The following ARHGAP1 variants were observed in gnomAD, a reference collection of about 807,000 sequenced individuals.
ARHGAP1 encodes Rho GTPase activating protein 1, also known as rho GTPase-activating protein 1.
Under a neutral mutation model 52.2 loss-of-function variants are expected in ARHGAP1, and 23 were observed. The ratio of observed to expected loss-of-function variants is 0.44; its 90% CI spans 0.32 to 0.62. ARHGAP1 has a LOEUF of 0.62. Ranked by LOEUF, ARHGAP1 falls within the 20% of genes least tolerant of loss-of-function variation. The pLI, the probability that ARHGAP1 is intolerant of heterozygous loss-of-function variation, is 0.05. For synonymous variants in ARHGAP1, 210 were observed against 228.4 expected (o/e 0.92, Z 0.73); for missense variants, 480 against 560.9 (o/e 0.86, Z 1.46).
chr11:46,695,547 G>T, intron 3 of ARHGAP1, 113 bp downstream of exon 3: 1 of 1,153,008 alleles, frequency 8.7e-7, no homozygotes, highest in Non-Finnish European at 1.3e-6. Flanking sequence ...CATGCCAGGA[G>T]CACCAGGGCC....
In ARHGAP1 at chr11:46,678,965, G is replaced by A; in HGVS notation, c.*72C>T. On this transcript the variant is annotated 3_prime_UTR_variant, in exon 13 of 13. Coordinates refer to ENST00000311956, the MANE Select transcript of ARHGAP1 (RefSeq NM_004308.5). The stretch of plus-strand genomic sequence containing the variant: ...AACATCTCTCTCCAGGGGGCTTCAT[G>A]GCCCCTGATGCCAGGAGGAAGAGTC... 2.6e-6 allele frequency: 4 copies of A among 1,511,408 alleles called. No homozygotes were observed. The highest frequency in any genetic ancestry group is 3.6e-6 in the Non-Finnish European group (4 of 1,105,140). The allele number at this position is 1,511,408 out of a possible 1,614,324, so 93.6% of individuals were successfully genotyped here.
chr11:46,696,234 G>C lies in ARHGAP1; in HGVS notation c.-49-78C>G. ...TGCGACCTCCACCGCGTGCCCTCCT[G>C]CCCCCACCATTCCCTCTCCCAGGCT... On this transcript the variant is annotated intron_variant, in intron 1 of 12. Coordinates refer to ENST00000311956, the MANE Select transcript of ARHGAP1 (RefSeq NM_004308.5). The surrounding 1 kb of genome is among the most constrained non-coding windows in gnomAD (Gnocchi z 4.8). 1 of 977,374 alleles carries C rather than the reference G, an allele frequency of 1.0e-6. No homozygotes were observed. The highest frequency in any genetic ancestry group is 1.5e-6 in the Non-Finnish European group (1 of 674,266). 60.5% of individuals were successfully genotyped at this position (977,374 alleles called of 1,614,324 possible).
chr11:46,680,549 T>A lies in ARHGAP1; in HGVS notation c.758A>T (p.Asn253Ile), dbSNP rs778417367. The change falls in exon 9 of 13, where the codon AAT becomes ATT. Residue 253 changes from asparagine to isoleucine, a missense_variant. Coordinates refer to ENST00000311956, the MANE Select transcript of ARHGAP1 (RefSeq NM_004308.5). This position sits in a 1 kb window ranked among gnomAD's most constrained non-coding sequence, Gnocchi z 5.9. ...GVSLQHLQEKNPEQEPIPIVL... is the reference protein window; with the variant it reads ...GVSLQHLQEKIPEQEPIPIVL... ...AATGGGAATGGGCTCCTGCTCTGGATTCTTCTCCTGGAGGCTGCGGGAAAA... is the reference window on the plus strand; with the variant it reads ...AATGGGAATGGGCTCCTGCTCTGGAATCTTCTCCTGGAGGCTGCGGGAAAA... 9.9e-6 allele frequency: 16 copies of A among 1,613,964 alleles called. No individual in the cohort carries two copies. In the African/African-American group the frequency reaches 2.0e-4, roughly 20 times the overall value.
rs2064512023 is a variant in ARHGAP1, at chr11:46,680,077, A to T, written c.898+128T>A. 1 of 1,203,844 alleles carries T rather than the reference A, an allele frequency of 8.3e-7. No homozygotes were observed. Among genetic ancestry groups the T allele is most frequent in the Non-Finnish European group, 1.2e-6 (1 of 829,482 alleles). The allele number at this position is 1,203,844 out of a possible 1,614,324, so 74.6% of individuals were successfully genotyped here. On this transcript the variant is annotated intron_variant, in intron 10 of 12. Coordinates refer to ENST00000311956, the MANE Select transcript of ARHGAP1 (RefSeq NM_004308.5). The surrounding 1 kb of genome is among the most constrained non-coding windows in gnomAD (Gnocchi z 5.9). ...GCCTGGCAGAAGTAGGACTTATGTG[A>T]CACCCAGAGCCACGGAAACCTCCAG...
chr11:46,681,548 C>G lies in ARHGAP1; in HGVS notation c.450-169G>C. 1.7e-6 allele frequency: 1 copy of G among 582,454 alleles called. No homozygotes were observed. Among genetic ancestry groups the G allele is most frequent in the Non-Finnish European group, 3.1e-6 (1 of 322,204 alleles). The allele number at this position is 582,454 out of a possible 1,614,324, so 36.1% of individuals were successfully genotyped here. A position where few individuals can be genotyped will look rare whatever the true frequency, so the allele number is the denominator to read the frequency against. ...TCCCGGATTCAAGCTATTCTCCTGCCTCAGCCTCCTGAGTAACTAGGATTA... is the reference window on the plus strand; with the variant it reads ...TCCCGGATTCAAGCTATTCTCCTGCGTCAGCCTCCTGAGTAACTAGGATTA... On this transcript the variant is annotated intron_variant, in intron 5 of 12. Coordinates refer to ENST00000311956, the MANE Select transcript of ARHGAP1 (RefSeq NM_004308.5). The surrounding 1 kb of genome is among the most constrained non-coding windows in gnomAD (Gnocchi z 5.7).
At chr11:46,694,827 T>C (rs961868627) in intron 3 of ARHGAP1, among the ~76,000 whole-genome samples, 1 of 152,180 alleles carries the variant, frequency 6.6e-6, no homozygotes, top group Non-Finnish European at 1.5e-5. Flanking sequence ...AACTGCCCCC[T>C]CCCTTTCCAA....
At chr11:46,685,933 C>T (rs2064564897) in intron 4 of ARHGAP1, among the ~76,000 whole-genome samples, 2 of 151,164 alleles carry the variant, frequency 1.3e-5, no homozygotes, top group Admixed American at 6.6e-5. Context: ...CTCAGCCTCC[C>T]AAAGTGCTGG....
chr11:46,689,582 C>A (rs1190725379), intron 3 of ARHGAP1, among the ~76,000 whole-genome samples: 1 of 151,960 alleles, frequency 6.6e-6, no homozygotes, highest in Non-Finnish European at 1.5e-5. Flanking sequence ...ACTCTGTCAC[C>A]CAGGCTAGAG....
chr11:46,679,844 C>A lies in ARHGAP1; in HGVS notation c.899-68G>T, dbSNP rs113474139. Reference sequence around the variant, plus strand: ...GGGCAGCACCCATCTGCAGACAACGCGGGCCGCACTGCCTGACTGCCCCTG... The same window carrying A: ...GGGCAGCACCCATCTGCAGACAACGAGGGCCGCACTGCCTGACTGCCCCTG... On this transcript the variant is annotated intron_variant, in intron 10 of 12. Coordinates refer to ENST00000311956, the MANE Select transcript of ARHGAP1 (RefSeq NM_004308.5). The surrounding 1 kb of genome is among the most constrained non-coding windows in gnomAD (Gnocchi z 4.4). The A allele has an allele frequency of 1.9e-6, 3 of 1,599,420 alleles. No homozygotes were observed. Among genetic ancestry groups the A allele is most frequent in the South Asian group, 1.1e-5 (1 of 90,056 alleles).
At position 46,680,155 on chromosome 11, in the gene ARHGAP1, C is replaced by A; in HGVS notation, c.898+50G>T. The A allele has an allele frequency of 6.4e-7, 1 of 1,569,400 alleles. No individual in the cohort carries two copies. The highest frequency in any genetic ancestry group is 8.8e-7 in the Non-Finnish European group (1 of 1,139,802). ...ACAGGGCAGCAGAGGGCAGAGAAGCCCCCTACCAGTAACACACATATGGCC... is the reference window on the plus strand; with the variant it reads ...ACAGGGCAGCAGAGGGCAGAGAAGCACCCTACCAGTAACACACATATGGCC... On this transcript the variant is annotated intron_variant, in intron 10 of 12. Transcript: ENST00000311956. This position sits in a 1 kb window ranked among gnomAD's most constrained non-coding sequence, Gnocchi z 5.9.
In ARHGAP1 at chr11:46,696,084, CT is replaced by C. The variant is rs2064651700; in HGVS notation, c.23del (p.Gln8ArgfsTer4). The C allele has an allele frequency of 1.2e-6, 2 of 1,607,862 alleles. No individual in the cohort carries two copies. The highest frequency in any genetic ancestry group is 1.6e-4 in the Middle Eastern group (1 of 6,074). The part of the protein sequence containing the change: MDPLSEL[Q>X]DDLTLDDTSE... ...TGGTGTCATCCAAGGTCAGATCATC[CT>C]GCAGCTCTGAGAGCGGATCCATGGC... On this transcript the variant is annotated frameshift_variant, in exon 2 of 13. Transcript: ENST00000311956. LOFTEE classifies it high-confidence loss of function. This position sits in a 1 kb window ranked among gnomAD's most constrained non-coding sequence, Gnocchi z 4.8.
rs1268008746 is a variant in ARHGAP1, at chr11:46,677,397, T to TG, written c.*1639dup. 1 of 152,614 alleles carries TG rather than the reference T, an allele frequency of 6.6e-6. No homozygotes were observed. The highest frequency in any genetic ancestry group is 1.9e-4 in the East Asian group (1 of 5,178). The allele number at this position is 152,614 out of a possible 1,614,324, so 9.5% of individuals were successfully genotyped here. On this transcript the variant is annotated 3_prime_UTR_variant, in exon 13 of 13. Coordinates refer to ENST00000311956, the MANE Select transcript of ARHGAP1 (RefSeq NM_004308.5). ...CCCAGGGGGCTGGATGCACTGCTGA[T>TG]GGTCTTGGGAGAGCCCAGCGAAGTT...
At chr11:46,688,748 TACAGATGTGAGCCACCGCACCCAGCCAAC>T (rs955949481) in intron 3 of ARHGAP1, among the ~76,000 whole-genome samples, 1 of 151,600 alleles carries the variant, frequency 6.6e-6, no homozygotes, top group Non-Finnish European at 1.5e-5. Flanking sequence ...GTGCTGGGAT[TACAGATGTGAGCCACCGCACCCAGCCAAC>T]ATCACTTTTT....
chr11:46,684,449 T>C (rs577955005), intron 4 of ARHGAP1, among the ~76,000 whole-genome samples: 8 of 152,266 alleles, frequency 5.3e-5, no homozygotes, highest in African/African-American at 1.4e-4. Flanking sequence ...AACATTTTTG[T>C]AGAAGGCTGT....
chr11:46,696,249 T>A lies in ARHGAP1; in HGVS notation c.-49-93A>T. ...GTGCCCTCCTGCCCCCACCATTCCC[T>A]CTCCCAGGCTCCCTGTCCCTATTCC... On this transcript the variant is annotated intron_variant, in intron 1 of 12. Transcript: ENST00000311956. The surrounding 1 kb of genome is among the most constrained non-coding windows in gnomAD (Gnocchi z 4.8). 1 of 801,942 alleles carries A rather than the reference T, an allele frequency of 1.2e-6. No homozygotes were observed. Among genetic ancestry groups the A allele is most frequent in the Non-Finnish European group, 1.9e-6 (1 of 518,414 alleles). The allele number at this position is 801,942 out of a possible 1,614,324, so 49.7% of individuals were successfully genotyped here.
Position 46,690,430 on chromosome 11 carries a change from A to C in ARHGAP1, c.230-2170T>G, listed in dbSNP as rs544291650. Among the ~76,000 whole-genome samples, 5 of 152,184 alleles carry C rather than the reference A, an allele frequency of 3.3e-5. 2 individuals carry two copies. Among genetic ancestry groups the C allele is most frequent in the African/African-American group, 1.2e-4 (5 of 41,550 alleles). ...TTAAAGAAAAGAGATGGGGGTCTCA[A>C]TGTGTTGCCCAGGCTGTTCTTGAAC... On this transcript the variant is annotated intron_variant, in intron 3 of 12. Coordinates refer to ENST00000311956, the MANE Select transcript of ARHGAP1 (RefSeq NM_004308.5).
intron 3 of ARHGAP1, among the ~76,000 whole-genome samples, chr11:46,694,546 G>A (rs2064638488): frequency 6.6e-6 from 1 of 152,158 alleles, no homozygotes; most frequent in South Asian, 2.1e-4. Context: ...GGAGGGGCAG[G>A]CTCCCCCAGC....
In ARHGAP1 at chr11:46,695,623, C is replaced by T. The variant is rs375055856; in HGVS notation, c.229+37G>A. Reference sequence around the variant, plus strand: ...AGGGCTGACTTCCTGAGGCCAGGAGCTCTGAGGGTTAGGAAAATAGTGTTG... The same window carrying T: ...AGGGCTGACTTCCTGAGGCCAGGAGTTCTGAGGGTTAGGAAAATAGTGTTG... On this transcript the variant is annotated intron_variant, in intron 3 of 12. Transcript: ENST00000311956. The T allele has an allele frequency of 2.3e-5, 35 of 1,542,872 alleles. No individual in the cohort carries two copies. The African/African-American group carries it at 4.7e-4, about 21-fold the overall frequency.
At chr11:46,699,751 C>T (rs1314616884) in intron 1 of ARHGAP1, among the ~76,000 whole-genome samples, 2 of 151,940 alleles carry the variant, frequency 1.3e-5, no homozygotes, top group Non-Finnish European at 2.9e-5. Context: ...GAATCGGCCT[C>T]CCAGTTGCAA....
Sources: allele counts gnomAD v4.1 joint callset (sites outside exome capture counted in the v4.1 genomes callset), GRCh38; gene constraint gnomAD v4.1.1; non-coding constraint Gnocchi (gnomAD v3.1); transcripts MANE v1.5; gene names NCBI Gene and HGNC (gene_info 2026-07-23, HGNC 2026-07-21).